The following ZNF891 variants were observed in gnomAD, a reference collection of about 807,000 sequenced individuals.
ZNF891 encodes hCG1646157.
For synonymous variants in ZNF891, 199 were observed against 209.0 expected, an observed-to-expected ratio of 0.95 and a Z score of 0.41; for missense variants, 589 against 632.7, an observed-to-expected ratio of 0.93 and a Z score of 0.74.
chr12:133,121,816 G>A lies in ZNF891; in HGVS notation c.103C>T (p.Leu35=). ...AEEERMIAVF[L]TTWLQEPMTF... Reference sequence around the variant, plus strand: ...ATTGGTTCCTGTAACCAGGTTGTCAGAAATACAGCAATCATCCTTTCCTCT... The same window carrying A: ...ATTGGTTCCTGTAACCAGGTTGTCAAAAATACAGCAATCATCCTTTCCTCT... Residue 35 remains leucine (L), a synonymous_variant, in exon 2 of 2, where the codon CTG becomes TTG. Transcript: ENST00000537226. 1 of 1,536,784 alleles carries A rather than the reference G, an allele frequency of 6.5e-7. No homozygotes were observed. The highest frequency in any genetic ancestry group is 8.7e-7 in the Non-Finnish European group (1 of 1,147,018).
chr12:133,106,678 A>G lies in ZNF891; in HGVS notation c.*13606T>C. On this transcript the variant is annotated 3_prime_UTR_variant, in exon 2 of 2. Transcript: ENST00000537226. ...TTTACACTGCAAAGAAAAACTATGA[A>G]TGTATGGAATTTTTTAAAAAGAAGT... 6.6e-7 allele frequency: 1 copy of G among 1,513,632 alleles called. No homozygotes were observed. Among genetic ancestry groups the G allele is most frequent in the Non-Finnish European group, 8.8e-7 (1 of 1,136,670 alleles). The allele number at this position is 1,513,632 out of a possible 1,614,324, so 93.8% of individuals were successfully genotyped here. A position where few individuals can be genotyped will look rare whatever the true frequency, so the allele number is the denominator to read the frequency against.
Position 133,114,416 on chromosome 12 carries a change from GAGCAGAT to G in ZNF891, c.*5861_*5867del, listed in dbSNP as rs1247889940. ...AGCAATCCTCCCACGTCAGCCTCCA[GAGCAGAT>G]AGGACTACAGGCACAGGCCATTGCA... On this transcript the variant is annotated 3_prime_UTR_variant, in exon 2 of 2. Coordinates refer to ENST00000537226, the MANE Select transcript of ZNF891 (RefSeq NM_001277291.2). The G allele has an allele frequency of 1.3e-5, 2 of 152,310 alleles. No individual in the cohort carries two copies. Among genetic ancestry groups the G allele is most frequent in the African/African-American group, 4.8e-5 (2 of 41,450 alleles). The allele number at this position is 152,310 out of a possible 1,614,324, so 9.4% of individuals were successfully genotyped here.
At position 133,105,990 on chromosome 12, in the gene ZNF891, C is replaced by T. The variant is rs201837758; in HGVS notation, c.*14294G>A. 209 of 1,614,052 alleles carry T rather than the reference C, an allele frequency of 1.3e-4. No individual in the cohort carries two copies. Among genetic ancestry groups the T allele is most frequent in the Non-Finnish European group, 1.6e-4 (192 of 1,180,024 alleles). On this transcript the variant is annotated 3_prime_UTR_variant, in exon 2 of 2. Coordinates refer to ENST00000537226, the MANE Select transcript of ZNF891 (RefSeq NM_001277291.2). ...TCATTTCTTATTGAACACCAGAGAA[C>T]GCACACTGGGGAGAAACCTTATGAA...
At position 133,120,517 on chromosome 12, in the gene ZNF891, C is replaced by T; in HGVS notation, c.1402G>A (p.Val468Ile). The change falls in exon 2 of 2, where the codon GTT (valine) becomes ATT (isoleucine). Residue 468 changes from valine to isoleucine, a missense_variant. By Grantham distance (29) the Val-to-Ile change is conservative (BLOSUM62 3). Transcript: ENST00000537226. ...NVYECSDCGK[V>I]FSGVSSLRMH... ...CTAAGGGATGAGACCCCACTGAAAACTTTCCCACAGTCACTGCATTCATAA... is the reference window on the plus strand; with the variant it reads ...CTAAGGGATGAGACCCCACTGAAAATTTTCCCACAGTCACTGCATTCATAA... 6.3e-7 allele frequency: 1 copy of T among 1,581,170 alleles called. No individual in the cohort carries two copies. The highest frequency in any genetic ancestry group is 1.1e-5 in the South Asian group (1 of 87,684).
rs1451773153 is a variant in ZNF891, at chr12:133,105,661, G to A, written c.*14623C>T. 9.3e-6 allele frequency: 15 copies of A among 1,614,176 alleles called. No individual in the cohort carries two copies. The East Asian group carries it at 2.9e-4, about 31-fold the overall frequency. On this transcript the variant is annotated 3_prime_UTR_variant, in exon 2 of 2. Coordinates refer to ENST00000537226, the MANE Select transcript of ZNF891 (RefSeq NM_001277291.2). ...GCTGGAAATGCAAGGATCATACTGA[G>A]ATGCTGCAAGAAAATCAGGGATGTA...
rs1045938291 is a variant in ZNF891 at position 133,112,884 on chromosome 12, CCT to C, written c.*7398_*7399del. On this transcript the variant is annotated 3_prime_UTR_variant, in exon 2 of 2. Transcript: ENST00000537226. The stretch of plus-strand genomic sequence containing the variant: ...ACCATCCTGGCTAATACGGTGAAAC[CCT>C]GTCTCTACTAAAAATACAAAAAATT... The C allele has an allele frequency of 6.6e-6, 1 of 151,864 alleles. No individual in the cohort carries two copies. The highest frequency in any genetic ancestry group is 1.5e-5 in the Non-Finnish European group (1 of 68,016). 9.4% of individuals were successfully genotyped at this position (151,864 alleles called of 1,614,324 possible).
chr12:133,123,847 T>C (rs1166730720), intron 1 of ZNF891, among the ~76,000 whole-genome samples: 1 of 152,168 alleles, frequency 6.6e-6, no homozygotes, highest in East Asian at 1.9e-4. Context: ...AACCCTTCAT[T>C]CCTCATAGTT....
In ZNF891 at chr12:133,106,787, C is replaced by A; in HGVS notation, c.*13497G>T. On this transcript the variant is annotated 3_prime_UTR_variant, in exon 2 of 2. Coordinates refer to ENST00000537226, the MANE Select transcript of ZNF891 (RefSeq NM_001277291.2). ...GAAGTAATATGGCCCACACTTTATTCACCACCCTGGAGAAAAAAAAACCCA... is the reference window on the plus strand; with the variant it reads ...GAAGTAATATGGCCCACACTTTATTAACCACCCTGGAGAAAAAAAAACCCA... The A allele has an allele frequency of 1.3e-6, 1 of 740,920 alleles. No homozygotes were observed. The highest frequency in any genetic ancestry group is 2.0e-6 in the Non-Finnish European group (1 of 502,836). The allele number at this position is 740,920 out of a possible 1,614,324, so 45.9% of individuals were successfully genotyped here.
Position 133,121,784 on chromosome 12 carries a change from G to C in ZNF891, c.135C>G (p.Phe45Leu). Residue 45 changes from phenylalanine (F) to leucine (L), a missense_variant, in exon 2 of 2, where the codon TTC (phenylalanine) becomes TTG (leucine). Transcript: ENST00000537226. Reference sequence around the variant, plus strand: ...GAGTGAACTCCACAGCTACATCTTTGAAAGTCATTGGTTCCTGTAACCAGG... The same window carrying C: ...GAGTGAACTCCACAGCTACATCTTTCAAAGTCATTGGTTCCTGTAACCAGG... ...LTTWLQEPMTFKDVAVEFTQE... is the reference protein window; with the variant it reads ...LTTWLQEPMTLKDVAVEFTQE... The C allele has an allele frequency of 6.5e-7, 1 of 1,536,840 alleles. No homozygotes were observed. Among genetic ancestry groups the C allele is most frequent in the African/African-American group, 1.4e-5 (1 of 73,144 alleles).
rs1555295972 is a variant in ZNF891 at position 133,105,931 on chromosome 12, G to A, written c.*14353C>T. ...TACATACTGGAAAGAAACCCCATGA[G>A]TGTAAGGACTGTAATAAAACATTCA... On this transcript the variant is annotated 3_prime_UTR_variant, in exon 2 of 2. Coordinates refer to ENST00000537226, the MANE Select transcript of ZNF891 (RefSeq NM_001277291.2). 1.2e-6 allele frequency: 2 copies of A among 1,614,006 alleles called. No homozygotes were observed. Among genetic ancestry groups the A allele is most frequent in the Admixed American group, 1.7e-5 (1 of 60,002 alleles).
At chr12:133,128,718 G>T (rs1004437408) in intron 1 of ZNF891, among the ~76,000 whole-genome samples, 1 of 151,498 alleles carries the variant, frequency 6.6e-6, no homozygotes, top group Non-Finnish European at 1.5e-5. Flanking sequence ...GCTTGAATCC[G>T]GGTGGTAGAG....
rs1333413262 is a variant in ZNF891 at position 133,121,352 on chromosome 12, A to G, written c.567T>C (p.Arg189=). Residue 189 remains arginine, a synonymous_variant, in exon 2 of 2, where the codon CGT becomes CGC. Transcript: ENST00000537226. ...AGTTTTCCTCTAATTCATGATAGTC[A>G]CGGAATAGCTCCTGAGGTACTGTTT... ...PKKTVPQELF[R]DYHELEENSK... 23 of 1,535,970 alleles carry G rather than the reference A, an allele frequency of 1.5e-5. No homozygotes were observed. Among genetic ancestry groups the G allele is most frequent in the African/African-American group, 2.7e-5 (2 of 73,048 alleles).
At chr12:133,125,561 T>C in intron 1 of ZNF891, 1 of 194,228 alleles carries the variant, frequency 5.1e-6, no homozygotes, top group Non-Finnish European at 1.1e-5. Context: ...AAAAAGGCAG[T>C]GGTGAAAGGT....
In ZNF891 at chr12:133,114,084, A is replaced by T. The variant is rs563189118; in HGVS notation, c.*6200T>A. ...GCAAGTATACGACACACCCACCAATACTTGGTCAACTCATCCCTTTTCATA... is the reference window on the plus strand; with the variant it reads ...GCAAGTATACGACACACCCACCAATTCTTGGTCAACTCATCCCTTTTCATA... On this transcript the variant is annotated 3_prime_UTR_variant, in exon 2 of 2. Coordinates refer to ENST00000537226, the MANE Select transcript of ZNF891 (RefSeq NM_001277291.2). The T allele has an allele frequency of 6.6e-6, 1 of 152,290 alleles. No individual in the cohort carries two copies. The highest frequency in any genetic ancestry group is 1.9e-4 in the East Asian group (1 of 5,188). The allele number at this position is 152,290 out of a possible 1,614,324, so 9.4% of individuals were successfully genotyped here. A position where few individuals can be genotyped will look rare whatever the true frequency, so the allele number is the denominator to read the frequency against.
In ZNF891 at chr12:133,105,399, T is replaced by C; in HGVS notation, c.*14885A>G. The C allele has an allele frequency of 2.6e-6, 3 of 1,134,364 alleles. No individual in the cohort carries two copies. The highest frequency in any genetic ancestry group is 1.7e-5 in the South Asian group (1 of 59,070). 70.3% of individuals were successfully genotyped at this position (1,134,364 alleles called of 1,614,324 possible). On this transcript the variant is annotated 3_prime_UTR_variant, in exon 2 of 2. Transcript: ENST00000537226. The stretch of plus-strand genomic sequence containing the variant: ...TTTCAGTCACAGCTGTGAAAGCTGC[T>C]ATTGATAAGATTTTTTGAAACTTCA...
chr12:133,121,704 A>G lies in ZNF891; in HGVS notation c.215T>C (p.Met72Thr). The stretch of plus-strand genomic sequence containing the variant: ...GGTGAGATTTCTATAGTTTTCCAAC[A>G]TCACATCTCTGTACAGACTTCTTTG... ...SAQRSLYRDV[M>T]LENYRNLTSV... Residue 72 changes from methionine (M) to threonine (T), a missense_variant, in exon 2 of 2, where the codon ATG (methionine) becomes ACG (threonine). Met to Thr is a moderately conservative substitution (Grantham distance 81). Transcript: ENST00000537226. The G allele has an allele frequency of 6.5e-7, 1 of 1,536,662 alleles. No homozygotes were observed. The highest frequency in any genetic ancestry group is 2.4e-5 in the East Asian group (1 of 40,916).
In ZNF891 at chr12:133,106,446, G is replaced by A; in HGVS notation, c.*13838C>T. ...GAGAAACCCTATGCGTGTGCTGAAT[G>A]TGATAAAGCCTTCAGCCGGAGCTTT... On this transcript the variant is annotated 3_prime_UTR_variant, in exon 2 of 2. Transcript: ENST00000537226. 6.2e-7 allele frequency: 1 copy of A among 1,614,112 alleles called. No homozygotes were observed. Among genetic ancestry groups the A allele is most frequent in the Non-Finnish European group, 8.5e-7 (1 of 1,180,012 alleles).
chr12:133,111,364 A>C lies in ZNF891; in HGVS notation c.*8920T>G, dbSNP rs1193462732. 6.6e-6 allele frequency: 1 copy of C among 152,114 alleles called. No homozygotes were observed. The highest frequency in any genetic ancestry group is 1.5e-5 in the Non-Finnish European group (1 of 68,034). The allele number at this position is 152,114 out of a possible 1,614,324, so 9.4% of individuals were successfully genotyped here. A position where few individuals can be genotyped will look rare whatever the true frequency, so the allele number is the denominator to read the frequency against. On this transcript the variant is annotated 3_prime_UTR_variant, in exon 2 of 2. Transcript: ENST00000537226. ...CAAATAAAAAAATTATCCAGGTGTAATAGCACATGCCTGTGGTCCCCACAA... is the reference window on the plus strand; with the variant it reads ...CAAATAAAAAAATTATCCAGGTGTACTAGCACATGCCTGTGGTCCCCACAA...
intron 1 of ZNF891, among the ~76,000 whole-genome samples, chr12:133,126,938 C>A (rs1955823685): frequency 6.8e-6 from 1 of 146,830 alleles, no homozygotes. Flanking sequence ...AAAGAAAAAA[C>A]AAGAGGAAGA....
Sources: gnomAD v4.1 joint callset for allele counts (sites outside exome capture counted in the v4.1 genomes callset) on GRCh38, gnomAD v4.1.1 for gene constraint, MANE v1.5 for transcripts, NCBI Gene and HGNC (gene_info 2026-07-23, HGNC 2026-07-21) for gene names.